RXFP2: variants seen among roughly 807,000 people sequenced by gnomAD.
RXFP2 encodes relaxin family peptide receptor 2, also known as relaxin receptor 2.
Under a neutral mutation model 88.6 loss-of-function variants are expected in RXFP2, and 68 were observed. The ratio of observed to expected loss-of-function variants is 0.77; its 90% CI spans 0.63 to 0.94. RXFP2 has a LOEUF of 0.94. Ranked by LOEUF, RXFP2 falls within the 40% of genes least tolerant of loss-of-function variation. RXFP2 has a pLI of 0.00. For missense variants in RXFP2, 791 were observed against 893.9 expected, an observed-to-expected ratio of 0.88 and a Z score of 1.47; for synonymous variants, 329 against 306.8, an observed-to-expected ratio of 1.07 and a Z score of -0.76.
chr13:31,781,689 A>G lies in RXFP2; in HGVS notation c.804A>G (p.Arg268=). Residue 268 remains arginine, a synonymous_variant, in exon 10 of 18, where the codon AGA becomes AGG. Coordinates refer to ENST00000298386, the MANE Select transcript of RXFP2 (RefSeq NM_130806.5). Reference sequence around the variant, plus strand: ...CTTCCAGGGATTTGGAAGGCAATAGAATAAAGTATCTCACAAATTCTACGT... The same window carrying G: ...CTTCCAGGGATTTGGAAGGCAATAGGATAAAGTATCTCACAAATTCTACGT... The part of the protein sequence containing the change: ...QLNWVDLEGN[R]IKYLTNSTFL... 6 of 1,612,230 alleles carry G rather than the reference A, an allele frequency of 3.7e-6. No individual in the cohort carries two copies. The highest frequency in any genetic ancestry group is 1.1e-5 in the South Asian group (1 of 90,988).
At chr13:31,801,478 GA>G (rs1874340437) in intron 17 of RXFP2, among the ~76,000 whole-genome samples, 1 of 152,074 alleles carries the variant, frequency 6.6e-6, no homozygotes, top group Admixed American at 6.6e-5. Flanking sequence ...CGTGTAAAGG[GA>G]AAGATGCATT....
At chr13:31,762,600 G>A (rs1324011) in intron 3 of RXFP2, among the ~76,000 whole-genome samples, 25,998 of 151,930 alleles carry the variant, frequency 0.17, 2,198 homozygotes, top group Middle Eastern at 0.23. Flanking sequence ...ATATAATTAG[G>A]AAGATGAATG....
intron 16 of RXFP2, among the ~76,000 whole-genome samples, chr13:31,796,430 C>A (rs1211738253): frequency 6.6e-6 from 1 of 151,334 alleles, no homozygotes; most frequent in Non-Finnish European, 1.5e-5. Context: ...TATTTTTATT[C>A]TTTTATTATT....
At position 31,802,208 on chromosome 13, in the gene RXFP2, C is replaced by T. The variant is rs2138476436; in HGVS notation, c.2068C>T (p.Leu690Phe). 2 of 1,613,700 alleles carry T rather than the reference C, an allele frequency of 1.2e-6. No homozygotes were observed. Among genetic ancestry groups the T allele is most frequent in the Non-Finnish European group, 1.7e-6 (2 of 1,179,760 alleles). ...AGTTAACAGTGCTTTGAATCCAATC[C>T]TCTATACTCTCACAACCAACTTTTT... ...LPVNSALNPI[L>F]YTLTTNFFKD... The change falls in exon 18 of 18, where the codon CTC (leucine) becomes TTC (phenylalanine). Residue 690 changes from leucine (L) to phenylalanine (F), a missense_variant. Leu to Phe is a conservative substitution (Grantham distance 22). Transcript: ENST00000298386.
chr13:31,784,041 G>A (rs372764619), intron 11 of RXFP2, among the ~76,000 whole-genome samples: 95 of 147,526 alleles, frequency 6.4e-4, no homozygotes, highest in African/African-American at 2.3e-3. Flanking sequence ...TGGCCAGGCT[G>A]GTCTTGAACT....
At chr13:31,797,167 G>T (rs371108766) in intron 16 of RXFP2, 34 bp from the exon 17 acceptor site, 68 of 1,420,222 alleles carry the variant, frequency 4.8e-5, no homozygotes, top group Non-Finnish European at 6.3e-5. Flanking sequence ...TGACTTTTAC[G>T]CCTGAGATGT....
At chr13:31,802,062 A>C (rs974945146) in intron 17 of RXFP2, 84 bp from the exon 18 acceptor site, 1 of 1,382,900 alleles carries the variant, frequency 7.2e-7, no homozygotes, top group Non-Finnish European at 1.0e-6. Flanking sequence ...CCTCTCATAA[A>C]TAGCATTGAC....
chr13:31,776,055 TTTC>T (rs1192853286), intron 7 of RXFP2, among the ~76,000 whole-genome samples: 9 of 114,714 alleles, frequency 7.8e-5, no homozygotes, highest in Admixed American at 4.0e-4. Flanking sequence ...CTTTCCTTTC[TTTC>T]TTCTTCTTTC....
chr13:31,773,473 T>A (rs970209890), intron 5 of RXFP2, among the ~76,000 whole-genome samples: 129 of 152,310 alleles, frequency 8.5e-4, no homozygotes, highest in African/African-American at 2.8e-3. Flanking sequence ...TTTCTTTTTT[T>A]AATTGAAGTT....
intron 2 of RXFP2, among the ~76,000 whole-genome samples, chr13:31,760,053 C>G (rs1872226521): frequency 2.0e-5 from 3 of 151,702 alleles, no homozygotes; most frequent in African/African-American, 7.3e-5. Context: ...AGTAGAATGC[C>G]TTATCTTTTC....
rs74846760 is a variant in RXFP2 at position 31,753,025 on chromosome 13, C to T, written c.95-5233C>T. Among the ~76,000 whole-genome samples, 400 of 152,294 alleles carry T rather than the reference C, an allele frequency of 2.6e-3. 2 individuals are homozygous for T. Among genetic ancestry groups the T allele is most frequent in the African/African-American group, 9.5e-3 (393 of 41,558 alleles). ...CCATTGCCATCCTTGGTGACCAGGTCGTCTGACTTTTGTTAAACACCACTA... is the reference window on the plus strand; with the variant it reads ...CCATTGCCATCCTTGGTGACCAGGTTGTCTGACTTTTGTTAAACACCACTA... On this transcript the variant is annotated intron_variant, in intron 1 of 17. Coordinates refer to ENST00000298386, the MANE Select transcript of RXFP2 (RefSeq NM_130806.5).
chr13:31,758,265 A>G lies in RXFP2; in HGVS notation c.102A>G (p.Ala34=). The G allele has an allele frequency of 6.2e-7, 1 of 1,614,056 alleles. No individual in the cohort carries two copies. The highest frequency in any genetic ancestry group is 8.5e-7 in the Non-Finnish European group (1 of 1,179,954). ...GCCCCTTCTTTCATGTAGATTTTGC[A>G]CTGACTCAAGGTAGCATGATCACTC... ...FIVLINVKDF[A]LTQGSMITPS... The change falls in exon 2 of 18, where the codon GCA becomes GCG. Residue 34 remains alanine (A), a synonymous_variant. Transcript: ENST00000298386.
chr13:31,785,053 A>G (rs1873463726), intron 11 of RXFP2, among the ~76,000 whole-genome samples: 1 of 152,138 alleles, frequency 6.6e-6, no homozygotes, highest in Non-Finnish European at 1.5e-5. Context: ...GTGTTTAGCA[A>G]AGTCCTTGAC....
At position 31,756,621 on chromosome 13, in the gene RXFP2, A is replaced by ATT. The variant is rs577728352; in HGVS notation, c.95-1620_95-1619dup. ...TTAAATCAATTTCTGTGAAGTTCCA[A>ATT]TTTTTTTTTTTTTTTTTTGAGACTG... On this transcript the variant is annotated intron_variant, in intron 1 of 17. Transcript: ENST00000298386. 9.4e-3 allele frequency among the ~76,000 whole-genome samples: 1,254 copies of ATT among 133,924 alleles called. 18 individuals are homozygous for ATT. The highest frequency in any genetic ancestry group is 0.03 in the East Asian group (133 of 4,498). 87.9% of individuals were successfully genotyped at this position (133,924 alleles called of 152,430 possible).
At chr13:31,761,562 C>T (rs1232477947) in intron 2 of RXFP2, among the ~76,000 whole-genome samples, 162 bp from the exon 3 acceptor site, 1 of 152,198 alleles carries the variant, frequency 6.6e-6, no homozygotes, top group Non-Finnish European at 1.5e-5. Context: ...GGACACCTTG[C>T]AGATGTTTGC....
intron 16 of RXFP2, among the ~76,000 whole-genome samples, chr13:31,795,948 G>T (rs1310618232): frequency 6.8e-6 from 1 of 147,684 alleles, no homozygotes; most frequent in Non-Finnish European, 1.5e-5. Flanking sequence ...AATAAAATTA[G>T]TCTAAAGGTT....
intron 1 of RXFP2, among the ~76,000 whole-genome samples, chr13:31,742,567 G>C (rs1221132626): frequency 6.6e-6 from 1 of 152,144 alleles, no homozygotes; most frequent in Non-Finnish European, 1.5e-5. Flanking sequence ...TGTTATCTCT[G>C]AAGACGCCAG....
chr13:31,799,232 A>AG (rs887631831), intron 17 of RXFP2, among the ~76,000 whole-genome samples: 1 of 151,942 alleles, frequency 6.6e-6, no homozygotes, highest in African/African-American at 2.4e-5. Context: ...AAAAAAAAAA[A>AG]ATGGAGTCTC....
chr13:31,777,084 C>T (rs1873022179), intron 7 of RXFP2, among the ~76,000 whole-genome samples: 1 of 152,122 alleles, frequency 6.6e-6, no homozygotes, highest in African/African-American at 2.4e-5. Flanking sequence ...TGTGCCAGAC[C>T]CAGGTACCCA....
Sources: gnomAD v4.1 joint callset for allele counts (sites outside exome capture counted in the v4.1 genomes callset) on GRCh38, gnomAD v4.1.1 for gene constraint, MANE v1.5 for transcripts, NCBI Gene and HGNC (gene_info 2026-07-23, HGNC 2026-07-21) for gene names.